Variants in BCOR observed in about 807,000 individuals in gnomAD.
BCOR encodes BCL6 corepressor.
BCOR carries 10 observed loss-of-function variants against 86.7 expected under a neutral mutation model. That is an observed-to-expected ratio of 0.12 (90% CI 0.07 to 0.20). The LOEUF (loss-of-function observed/expected upper bound fraction) is 0.20. BCOR is among the 10% of genes least tolerant of loss of function. BCOR has a pLI of 1.00. For missense variants in BCOR, 1,259 were observed against 1,452.1 expected (o/e 0.87, Z 2.16); for synonymous variants, 611 against 609.0 (o/e 1.00, Z -0.05).
Position 40,052,002 on chromosome X carries a change from T to G in BCOR, c.*107A>C. 1 of 712,203 alleles carries G rather than the reference T, an allele frequency of 1.4e-6. No individual in the cohort carries two copies. Among genetic ancestry groups the G allele is most frequent in the Non-Finnish European group, 2.0e-6 (1 of 511,813 alleles). 58.7% of individuals were successfully genotyped at this position (712,203 alleles called of 1,213,427 possible). A position where few individuals can be genotyped will look rare whatever the true frequency, so the allele number is the denominator to read the frequency against. Reference sequence around the variant, plus strand: ...TAATTTCTCTTATATAAAGAAGAGATATTTTCATATGTAATAGTGTCCTTT... The same window carrying G: ...TAATTTCTCTTATATAAAGAAGAGAGATTTTCATATGTAATAGTGTCCTTT... On this transcript the variant is annotated 3_prime_UTR_variant, in exon 15 of 15. Coordinates refer to ENST00000378444, the MANE Select transcript of BCOR (RefSeq NM_001123385.2).
chrX:40,139,462 T>TATATATATATATAATATATATAC lies in BCOR; in HGVS notation c.-41+37544_-41+37545insGTATATATATTATATATATATAT, dbSNP rs1937825832. On this transcript the variant is annotated intron_variant, in intron 1 of 14. Coordinates refer to the BCOR transcript ENST00000342274. ...TATATATATAATATATATACATATA[T>TATATATATATATAATATATATAC]ATATATATATATATATATATATATA... 1.0e-3 allele frequency among the ~76,000 whole-genome samples: 2 copies of TATATATATATATAATATATATAC among 2,007 alleles called. 1 individual carries two copies. Among genetic ancestry groups the TATATATATATATAATATATATAC allele is most frequent in the African/African-American group, 9.3e-3 (2 of 216 alleles). 1.7% of individuals were successfully genotyped at this position (2,007 alleles called of 115,157 possible). A position where few individuals can be genotyped will look rare whatever the true frequency, so the allele number is the denominator to read the frequency against.
At chrX:40,081,349 G>A (rs1057317059) in intron 1 of BCOR, among the ~76,000 whole-genome samples, 4 of 112,012 alleles carry the variant, frequency 3.6e-5, no homozygotes, top group Non-Finnish European at 7.5e-5. Flanking sequence ...ACAACGAAGG[G>A]GACACTGGGG....
At chrX:40,115,597 G>A (rs1169377559) in intron 1 of BCOR, among the ~76,000 whole-genome samples, 1 of 110,164 alleles carries the variant, frequency 9.1e-6, no homozygotes, top group African/African-American at 3.3e-5. Context: ...CCAACATGGC[G>A]TAAACCTCGC....
Position 40,055,459 on chromosome X carries a change from G to C in BCOR, c.4650C>G (p.Leu1550=). 4 of 1,211,610 alleles carry C rather than the reference G, an allele frequency of 3.3e-6. No individual in the cohort carries two copies. The highest frequency in any genetic ancestry group is 4.5e-6 in the Non-Finnish European group (4 of 895,133). The change falls in exon 12 of 15, where the codon CTC becomes CTG. Residue 1550 remains leucine, a synonymous_variant. Coordinates refer to ENST00000378444, the MANE Select transcript of BCOR (RefSeq NM_001123385.2). ...NDHLEIVRLL[L]SYGADPTLAT... ...CCAAGGTGGGGTCAGCACCATAAGA[G>C]AGAAGTAGTCGGACAATTTCCAAGT...
chrX:40,061,990 G>A (rs1019595154), intron 10 of BCOR, 149 bp downstream of exon 10: 43 of 722,631 alleles, frequency 6.0e-5, no homozygotes, highest in Non-Finnish European at 8.4e-5. Context: ...GTGAGAGTGG[G>A]GCTAACACAA....
At chrX:40,052,581 T>TTTGAC (rs1934373136) in intron 14 of BCOR, among the ~76,000 whole-genome samples, 181 bp from the exon 15 acceptor site, 3 of 58,143 alleles carry the variant, frequency 5.2e-5, no homozygotes, top group Non-Finnish European at 5.8e-5. Flanking sequence ...TTTTTTTTTT[T>TTTGAC]GGAGACGGAA....
chrX:40,155,065 G>A (rs1188627739), intron 1 of BCOR, among the ~76,000 whole-genome samples: 1 of 111,096 alleles, frequency 9.0e-6, no homozygotes, highest in Non-Finnish European at 1.9e-5. Flanking sequence ...TGCGGGAGGG[G>A]AGGGGGTCGG....
At chrX:40,119,275 G>T (rs2147865388) in intron 1 of BCOR, among the ~76,000 whole-genome samples, 1 of 107,155 alleles carries the variant, frequency 9.3e-6, no homozygotes, top group South Asian at 4.2e-4. Flanking sequence ...GGTGGTGCCG[G>T]TGGGGGGTGG....
chrX:40,156,946 G>T (rs756952489), intron 1 of BCOR, among the ~76,000 whole-genome samples: 1 of 113,784 alleles, frequency 8.8e-6, no homozygotes, highest in African/African-American at 3.2e-5. Context: ...ATCGGGACTG[G>T]ACCGGGCAGG....
chrX:40,159,583 C>G (rs1033433813), intron 1 of BCOR, among the ~76,000 whole-genome samples: 14 of 111,841 alleles, frequency 1.3e-4, no homozygotes, highest in Non-Finnish European at 2.6e-4. Context: ...ATCTCCTGAC[C>G]TCGTGATCCA....
At position 40,073,258 on chromosome X, in the gene BCOR, A is replaced by C. The variant is rs1402474120; in HGVS notation, c.2088T>G (p.Leu696=). 1.7e-6 allele frequency: 2 copies of C among 1,211,818 alleles called. No individual in the cohort carries two copies. The highest frequency in any genetic ancestry group is 1.8e-5 in the South Asian group (1 of 57,003). Residue 696 remains leucine (L), a synonymous_variant, in exon 4 of 15, where the codon CTT becomes CTG. Transcript: ENST00000378444. ...LPNGSLFPGH[L]APKPGLPYGL... ...CATAGGGCAGCCCAGGCTTTGGGGC[A>C]AGGTGCCCAGGAAACAGACTGCCAT...
chrX:40,146,424 G>A (rs1474000226), intron 1 of BCOR: 1 of 111,823 alleles, frequency 8.9e-6, no homozygotes, highest in African/African-American at 3.3e-5. Flanking sequence ...AGGGCCGAGA[G>A]GCTGATTTAA....
intron 1 of BCOR, among the ~76,000 whole-genome samples, chrX:40,108,358 T>A (rs1937233350): frequency 8.8e-6 from 1 of 113,060 alleles, no homozygotes; most frequent in African/African-American, 3.2e-5. Flanking sequence ...CGCCAGCAAC[T>A]CCTCAGCTTG....
At chrX:40,099,847 G>T (rs1937037278), upstream of BCOR, among the ~76,000 whole-genome samples, 1 of 112,211 alleles carries the variant, frequency 8.9e-6, no homozygotes, top group African/African-American at 3.2e-5. Flanking sequence ...TATAACAACT[G>T]ATGCAAAAGA....
At chrX:40,098,136 C>A (rs1022439501), upstream of BCOR, among the ~76,000 whole-genome samples, 5 of 106,466 alleles carry the variant, frequency 4.7e-5, no homozygotes, top group Non-Finnish European at 9.8e-5. Context: ...GCCGCCGCCT[C>A]CAGCTCTCGC....
In BCOR at chrX:40,057,330, A is replaced by T. The variant is rs770413249; in HGVS notation, c.4429-9T>A. The stretch of plus-strand genomic sequence containing the variant: ...CAGTACAGGACCACTTCCTGTGGGG[A>T]GGGGAGGGAAGAATGCCATCAGATC... On this transcript the variant is annotated splice_polypyrimidine_tract_variant and intron_variant, in intron 10 of 14. Coordinates refer to ENST00000378444, the MANE Select transcript of BCOR (RefSeq NM_001123385.2). 1 of 1,204,517 alleles carries T rather than the reference A, an allele frequency of 8.3e-7. No homozygotes were observed. The highest frequency in any genetic ancestry group is 1.1e-6 in the Non-Finnish European group (1 of 890,892).
chrX:40,071,669 T>C lies in BCOR; in HGVS notation c.3019A>G (p.Ser1007Gly), dbSNP rs1935484553. ...ALQMEGLQED[S>G]ILCLPAAYCE... ...TAAGCAGCGGGTAGACATAAAATAC[T>C]GTCCTCTTGTAATCCTTCCATCTAT... Residue 1007 changes from serine to glycine, a missense_variant, in exon 5 of 15, where the codon AGT (serine) becomes GGT (glycine). Physicochemically the swap from Ser to Gly is moderately conservative, Grantham distance 56. Coordinates refer to ENST00000378444, the MANE Select transcript of BCOR (RefSeq NM_001123385.2). 8.4e-7 allele frequency: 1 copy of C among 1,191,393 alleles called. No individual in the cohort carries two copies. The highest frequency in any genetic ancestry group is 2.2e-5 in the Admixed American group (1 of 45,762).
At chrX:40,065,100 G>A (rs1013831814) in intron 6 of BCOR, among the ~76,000 whole-genome samples, 5 of 111,536 alleles carry the variant, frequency 4.5e-5, no homozygotes, top group South Asian at 3.8e-4. Context: ...TAGGCCAACC[G>A]GGGAGATGAA....
chrX:40,093,795 G>A (rs1442828637), intron 1 of BCOR, among the ~76,000 whole-genome samples: 7 of 111,922 alleles, frequency 6.3e-5, no homozygotes, highest in Non-Finnish European at 9.4e-5. Context: ...CTACAGCTAT[G>A]TGCAGACCTT....
Sources: allele counts gnomAD v4.1 joint callset (sites outside exome capture counted in the v4.1 genomes callset), GRCh38; gene constraint gnomAD v4.1.1; transcripts MANE v1.5; gene names NCBI Gene and HGNC (gene_info 2026-07-23, HGNC 2026-07-21).